Variants in UBAC1 observed in about 807,000 individuals in gnomAD.
UBAC1 encodes the protein UBA domain containing 1, also known as ubiquitin-associated domain-containing protein 1.
A neutral mutation model predicts 45.9 loss-of-function variants in UBAC1; 27 were observed. The observed-to-expected ratio is 0.59, with a 90% CI of 0.43 to 0.81. UBAC1 has a LOEUF of 0.81. Ranked by LOEUF, UBAC1 falls within the 30% of genes least tolerant of loss-of-function variation. The pLI, the probability that UBAC1 is intolerant of heterozygous loss-of-function variation, is 0.00. For synonymous variants in UBAC1, 227 were observed against 215.5 expected (o/e 1.05, Z -0.47); for missense variants, 529 against 539.2 (o/e 0.98, Z 0.19).
At chr9:135,947,457 T>C (rs1302565859) in intron 4 of UBAC1, 1 of 212,948 alleles carries the variant, frequency 4.7e-6, no homozygotes, top group Non-Finnish European at 9.3e-6. Context: ...TTCATCATGT[T>C]GGCCAGGCTG....
Position 135,942,925 on chromosome 9 carries a change from A to G in UBAC1, c.876+2103T>C, listed in dbSNP as rs536908128. ...ATAGACTAGAAAAGCATTTGTCTCA[A>G]TGGGATCTAACTAAAGAGCTTCTGC... On this transcript the variant is annotated intron_variant, in intron 7 of 9. Transcript: ENST00000371756. 7.3e-4 allele frequency among the ~76,000 whole-genome samples: 111 copies of G among 152,340 alleles called. 2 individuals carry two copies. In the South Asian group the frequency reaches 0.022, roughly 31 times the overall value.
rs759192500 is a variant in UBAC1 at position 135,938,263 on chromosome 9, G to A, written c.1061C>T (p.Pro354Leu). ...SPLFQAILDN[P>L]VVQLGLTNPK... ...GTTGGTCAGGCCCAGCTGCACCACC[G>A]GGTTATCCAGGATGGCCTGAAAGAG... Residue 354 changes from proline (P) to leucine (L), a missense_variant, in exon 9 of 10, where the codon CCG becomes CTG. Coordinates refer to ENST00000371756, the MANE Select transcript of UBAC1 (RefSeq NM_016172.3). The A allele has an allele frequency of 1.1e-5, 18 of 1,614,056 alleles. No individual in the cohort carries two copies. In the Admixed American group the frequency reaches 2.3e-4, roughly 21 times the overall value.
chr9:135,933,382 C>T lies in UBAC1; in HGVS notation c.*18G>A, dbSNP rs748761834. 10 of 1,608,238 alleles carry T rather than the reference C, an allele frequency of 6.2e-6. No individual in the cohort carries two copies. Among genetic ancestry groups the T allele is most frequent in the East Asian group, 4.5e-5 (2 of 44,860 alleles). On this transcript the variant is annotated 3_prime_UTR_variant, in exon 10 of 10. Coordinates refer to ENST00000371756, the MANE Select transcript of UBAC1 (RefSeq NM_016172.3). ...CAGGGGGCTGCTGTGGCCTGATAGCCGAGTGGAACAACGCCACCTACGTGC... is the reference window on the plus strand; with the variant it reads ...CAGGGGGCTGCTGTGGCCTGATAGCTGAGTGGAACAACGCCACCTACGTGC...
intron 7 of UBAC1, among the ~76,000 whole-genome samples, chr9:135,943,034 A>G (rs1156266017): frequency 6.6e-6 from 1 of 152,244 alleles, no homozygotes; most frequent in Non-Finnish European, 1.5e-5. Flanking sequence ...ACAAAGGTCT[A>G]ATATCCAGAA....
chr9:135,937,440 C>CAAAAAA (rs57527185), intron 9 of UBAC1, among the ~76,000 whole-genome samples: 2 of 99,878 alleles, frequency 2.0e-5, no homozygotes, highest in Admixed American at 1.1e-4. Context: ...GACTCTGTCT[C>CAAAAAA]AAAAAAAAAA....
At chr9:135,946,093 ACCTGCCCGC>A in intron 5 of UBAC1, 96 bp from the exon 6 acceptor site, 10 of 1,260,166 alleles carry the variant, frequency 7.9e-6, no homozygotes, top group Non-Finnish European at 1.1e-5. Flanking sequence ...TCTGAGCTCC[ACCTGCCCGC>A]CCTCAGGCAC....
Position 135,961,369 on chromosome 9 carries a change from GC to G in UBAC1, c.-208del, listed in dbSNP as rs1327167724. 7.7e-4 allele frequency: 145 copies of G among 189,230 alleles called. No individual in the cohort carries two copies. Among genetic ancestry groups the G allele is most frequent in the Admixed American group, 2.4e-3 (36 of 15,270 alleles). The allele number at this position is 189,230 out of a possible 1,614,324, so 11.7% of individuals were successfully genotyped here. A position where few individuals can be genotyped will look rare whatever the true frequency, so the allele number is the denominator to read the frequency against. ...CGCCGCCGCAGCAGCCGCCGGGGGC[GC>G]GCCGTCGCGGCCGCACCGGAAGTGC... On this transcript the variant is annotated 5_prime_UTR_variant, in exon 1 of 10. Coordinates refer to ENST00000371756, the MANE Select transcript of UBAC1 (RefSeq NM_016172.3).
intron 1 of UBAC1, among the ~76,000 whole-genome samples, chr9:135,955,892 G>A (rs749744979): frequency 7.2e-5 from 11 of 152,150 alleles, no homozygotes; most frequent in Admixed American, 7.2e-4. Context: ...AGGAGCGCTC[G>A]GCATGACTGC....
chr9:135,946,626 C>T (rs1430082460), intron 4 of UBAC1, among the ~76,000 whole-genome samples: 2 of 152,238 alleles, frequency 1.3e-5, no homozygotes, highest in South Asian at 4.1e-4. Flanking sequence ...CGATACTCAG[C>T]CTGTGCCCTG....
At position 135,947,789 on chromosome 9, in the gene UBAC1, G is replaced by GA; in HGVS notation, c.441+8dup. On this transcript the variant is annotated intron_variant, in intron 4 of 9. Transcript: ENST00000371756. ...CATGCACCCGCCGCCGCTCTGGGCT[G>GA]ACACTCACGTCTCTCATGTTGGTCT... The GA allele has an allele frequency of 6.2e-7, 1 of 1,611,350 alleles. No individual in the cohort carries two copies. The highest frequency in any genetic ancestry group is 1.3e-5 in the African/African-American group (1 of 74,902).
chr9:135,939,132 G>A (rs1355473020), intron 8 of UBAC1, among the ~76,000 whole-genome samples: 1 of 151,772 alleles, frequency 6.6e-6, no homozygotes, highest in Non-Finnish European at 1.5e-5. Context: ...GGCCCAGGAG[G>A]TCGAGGCTGC....
chr9:135,940,108 A>G (rs1167940677), intron 7 of UBAC1, among the ~76,000 whole-genome samples: 1 of 152,118 alleles, frequency 6.6e-6, no homozygotes, highest in Non-Finnish European at 1.5e-5. Context: ...GTTTGTCCCG[A>G]TGACTGTGTG....
chr9:135,953,602 G>T, intron 3 of UBAC1, 78 bp downstream of exon 3: 1 of 1,328,166 alleles, frequency 7.5e-7, no homozygotes, highest in Admixed American at 1.9e-5. Flanking sequence ...ACAGGCGCGA[G>T]CCACTGTACC....
chr9:135,957,480 G>C (rs1839481390), intron 1 of UBAC1, among the ~76,000 whole-genome samples: 1 of 152,054 alleles, frequency 6.6e-6, no homozygotes, highest in South Asian at 2.1e-4. Context: ...CAGCACACCA[G>C]GAACAACACG....
chr9:135,953,005 T>C (rs534400277), intron 3 of UBAC1, among the ~76,000 whole-genome samples: 2 of 152,352 alleles, frequency 1.3e-5, no homozygotes, highest in Admixed American at 1.3e-4. Context: ...CCTCCGTTTT[T>C]CTGTCAGGAC....
At chr9:135,950,650 T>C (rs1319092776) in intron 3 of UBAC1, among the ~76,000 whole-genome samples, 3 of 152,206 alleles carry the variant, frequency 2.0e-5, no homozygotes, top group Non-Finnish European at 2.9e-5. Context: ...ATCTTCAACA[T>C]TATGATCTAA....
chr9:135,952,144 G>C (rs1027726650), intron 3 of UBAC1, among the ~76,000 whole-genome samples: 5 of 152,282 alleles, frequency 3.3e-5, no homozygotes, highest in Non-Finnish European at 7.3e-5. Context: ...TGGGGCGGCA[G>C]CCTGTGTGTC....
chr9:135,936,695 A>C (rs1011635679), intron 9 of UBAC1, among the ~76,000 whole-genome samples: 3 of 152,130 alleles, frequency 2.0e-5, no homozygotes, highest in African/African-American at 7.2e-5. Flanking sequence ...GCGTTTCACC[A>C]TCTTGGCCAG....
chr9:135,948,094 T>G, intron 3 of UBAC1, 189 bp from the exon 4 acceptor site: 1 of 570,658 alleles, frequency 1.8e-6, no homozygotes, highest in South Asian at 2.2e-5. Flanking sequence ...AGACGTGTCC[T>G]CAGCGTCTGC....
Sources: allele counts gnomAD v4.1 joint callset (sites outside exome capture counted in the v4.1 genomes callset), GRCh38; gene constraint gnomAD v4.1.1; transcripts MANE v1.5; gene names NCBI Gene and HGNC (gene_info 2026-07-23, HGNC 2026-07-21).